LEO1: variants seen among roughly 807,000 people sequenced by gnomAD.
LEO1 encodes the protein RNA polymerase-associated protein LEO1.
LEO1 carries 34 observed loss-of-function variants against 80.4 expected under a neutral mutation model. The observed-to-expected ratio is 0.42, with a 90% CI of 0.32 to 0.56. LEO1 has a LOEUF of 0.56. Ranked by LOEUF, LEO1 falls within the 20% of genes least tolerant of loss-of-function variation. The pLI is 0.10. For missense variants in LEO1, 631 were observed against 814.2 expected, an observed-to-expected ratio of 0.77 and a Z score of 2.74; for synonymous variants, 262 against 274.9, an observed-to-expected ratio of 0.95 and a Z score of 0.46.
At chr15:51,944,448 T>C (rs913391401) in intron 11 of LEO1, among the ~76,000 whole-genome samples, 1 of 152,112 alleles carries the variant, frequency 6.6e-6, no homozygotes, top group Non-Finnish European at 1.5e-5. Context: ...CAGATAAAGA[T>C]ACCAAAGAAG....
At chr15:51,967,246 G>A (rs2057085258) in intron 1 of LEO1, among the ~76,000 whole-genome samples, 1 of 152,194 alleles carries the variant, frequency 6.6e-6, no homozygotes, top group Non-Finnish European at 1.5e-5. Context: ...GCCAAGGCGG[G>A]CAGATCACTT....
Position 51,938,376 on chromosome 15 carries a change from G to A in LEO1, c.1897-116C>T, listed in dbSNP as rs2056819398. 6.3e-6 allele frequency: 4 copies of A among 632,490 alleles called. No individual in the cohort carries two copies. The East Asian group carries it at 8.3e-5, about 13-fold the overall frequency. The allele number at this position is 632,490 out of a possible 1,614,324, so 39.2% of individuals were successfully genotyped here. ...CTGACAACTCAAAGTAACGGTTCCT[G>A]CAGGTTGTGAGGGAGATTGTGAGGT... is the stretch of plus-strand genomic sequence containing the variant. On this transcript the variant is annotated intron_variant, in intron 11 of 11. Coordinates refer to ENST00000299601, the MANE Select transcript of LEO1 (RefSeq NM_138792.4).
rs77315545 is a variant in LEO1, at chr15:51,957,344, A to C, written c.1245+1398T>G. ...GAATTAAAGCCAGAGGCACTAAAACAACCATGAAAAATTGATACTGCTAAG... is the reference window on the plus strand; with the variant it reads ...GAATTAAAGCCAGAGGCACTAAAACCACCATGAAAAATTGATACTGCTAAG... On this transcript the variant is annotated intron_variant, in intron 6 of 11. Transcript: ENST00000299601. Among the ~76,000 whole-genome samples, 43 of 152,324 alleles carry C rather than the reference A, an allele frequency of 2.8e-4. No individual in the cohort carries two copies. In the East Asian group the frequency reaches 7.9e-3, roughly 28 times the overall value.
At chr15:51,964,996 C>T (rs953409644) in intron 2 of LEO1, among the ~76,000 whole-genome samples, 5 of 152,094 alleles carry the variant, frequency 3.3e-5, no homozygotes, top group East Asian at 1.9e-4. Context: ...AACCCAAGCT[C>T]GTCTCTGTAG....
At chr15:51,957,544 AT>A (rs2056999016) in intron 6 of LEO1, among the ~76,000 whole-genome samples, 1 of 152,196 alleles carries the variant, frequency 6.6e-6, no homozygotes, top group African/African-American at 2.4e-5. Context: ...CAGTTTTCTT[AT>A]TTGATTTGCA....
chr15:51,954,443 C>G, intron 7 of LEO1, 38 bp downstream of exon 7: 1 of 1,239,958 alleles, frequency 8.1e-7, no homozygotes, highest in Non-Finnish European at 1.2e-6. Context: ...CTGACCCGTT[C>G]TGGGTATGTC....
In LEO1 at chr15:51,965,987, C is replaced by T. The variant is rs889639628; in HGVS notation, c.576G>A (p.Glu192=). 5.0e-6 allele frequency: 8 copies of T among 1,614,020 alleles called. No individual in the cohort carries two copies. Among genetic ancestry groups the T allele is most frequent in the Middle Eastern group, 1.6e-4 (1 of 6,084 alleles). ...TCTCATCATCGGAAAGCTGAGGCCT[C>T]TCCTCATCATCTGTGTTCTGCATTT... ...DEKMQNTDDE[E]RPQLSDDERQ... Residue 192 remains glutamate, a synonymous_variant, in exon 2 of 12, where the codon GAG becomes GAA. Coordinates refer to ENST00000299601, the MANE Select transcript of LEO1 (RefSeq NM_138792.4).
rs2057032512 is a variant in LEO1, at chr15:51,961,719, A to G, written c.919+670T>C. Among the ~76,000 whole-genome samples, 3 of 149,648 alleles carry G rather than the reference A, an allele frequency of 2.0e-5. No individual in the cohort carries two copies. In the South Asian group the frequency reaches 6.4e-4, roughly 32 times the overall value. Reference sequence around the variant, plus strand: ...AACACTGGGTTTTTATGAGCTCTTCATCTAACTCACAGCTCAAAGAATCAG... The same window carrying G: ...AACACTGGGTTTTTATGAGCTCTTCGTCTAACTCACAGCTCAAAGAATCAG... On this transcript the variant is annotated intron_variant, in intron 3 of 11. Transcript: ENST00000299601.
intron 1 of LEO1, 27 bp downstream of exon 1, chr15:51,971,661 C>G: frequency 6.2e-7 from 1 of 1,612,534 alleles, no homozygotes; most frequent in Non-Finnish European, 8.5e-7. Flanking sequence ...TGCCACGCAC[C>G]CATCCTCCGA....
At chr15:51,961,548 T>C (rs1204181698) in intron 3 of LEO1, among the ~76,000 whole-genome samples, 1 of 151,814 alleles carries the variant, frequency 6.6e-6, no homozygotes, top group African/African-American at 2.4e-5. Flanking sequence ...GCACACCACC[T>C]CGCCCCGCTA....
intron 6 of LEO1, chr15:51,955,005 T>C: frequency 1.3e-5 from 2 of 153,586 alleles, no homozygotes; most frequent in Non-Finnish European, 2.9e-5. Flanking sequence ...GGCGCAGTCT[T>C]GGCTCACTGC....
intron 5 of LEO1, 49 bp downstream of exon 5, chr15:51,959,849 CT>C: frequency 6.9e-7 from 1 of 1,444,672 alleles, no homozygotes; most frequent in Non-Finnish European, 9.2e-7. Context: ...AATAAACATT[CT>C]ATGTATTTCT....
intron 2 of LEO1, among the ~76,000 whole-genome samples, chr15:51,963,618 T>G (rs1057125377): frequency 4.0e-5 from 6 of 151,830 alleles, no homozygotes; most frequent in Non-Finnish European, 8.8e-5. Context: ...AGCCCTACTT[T>G]CGGCCAGGCA....
chr15:51,948,831 C>G (rs771098089), intron 10 of LEO1, among the ~76,000 whole-genome samples: 2 of 152,194 alleles, frequency 1.3e-5, no homozygotes, highest in Non-Finnish European at 2.9e-5. Context: ...TTCACCATGT[C>G]GTCTTGCTAC....
At chr15:51,964,513 A>ACG (rs1312403698) in intron 2 of LEO1, among the ~76,000 whole-genome samples, 5 of 151,392 alleles carry the variant, frequency 3.3e-5, no homozygotes, top group Non-Finnish European at 7.4e-5. Context: ...ACAAACCTGC[A>ACG]CGTTGTGCAC....
In LEO1 at chr15:51,938,123, TA is replaced by T. The variant is rs2056816468; in HGVS notation, c.*32del. The T allele has an allele frequency of 1.8e-6, 2 of 1,099,498 alleles. No homozygotes were observed. Among genetic ancestry groups the T allele is most frequent in the South Asian group, 2.7e-5 (2 of 73,448 alleles). The allele number at this position is 1,099,498 out of a possible 1,614,324, so 68.1% of individuals were successfully genotyped here. On this transcript the variant is annotated 3_prime_UTR_variant, in exon 12 of 12. Transcript: ENST00000299601. ...TGTTTACATATTTATAACTGTACAA[TA>T]AAATATATAAAATGTTTTCATATTT...
chr15:51,956,255 T>TAA (rs2056988025), intron 6 of LEO1, among the ~76,000 whole-genome samples: 1 of 151,896 alleles, frequency 6.6e-6, no homozygotes, highest in Non-Finnish European at 1.5e-5. Context: ...CCATCTCTGC[T>TAA]AAAAATATAC....
At chr15:51,949,669 CA>C in intron 10 of LEO1, 138 bp downstream of exon 10, 1 of 723,710 alleles carries the variant, frequency 1.4e-6, no homozygotes, top group Non-Finnish European at 2.3e-6. Context: ...CACTGCACTC[CA>C]GCCTGGGTGA....
intron 9 of LEO1, among the ~76,000 whole-genome samples, chr15:51,950,480 C>T (rs890968191): frequency 1.3e-5 from 2 of 152,168 alleles, no homozygotes; most frequent in Non-Finnish European, 1.5e-5. Flanking sequence ...GAGAGCTCCT[C>T]ACGGCTCCTG....
Sources: allele counts gnomAD v4.1 joint callset (sites outside exome capture counted in the v4.1 genomes callset), GRCh38; gene constraint gnomAD v4.1.1; transcripts MANE v1.5; gene names NCBI Gene and HGNC (gene_info 2026-07-23, HGNC 2026-07-21).